GABRG3: variants seen among roughly 807,000 people sequenced by gnomAD.
GABRG3 encodes the protein gamma-aminobutyric acid receptor subunit gamma-3.
GABRG3 carries 25 observed loss-of-function variants against 48.8 expected under a neutral mutation model. The observed-to-expected ratio is 0.51, with a 90% CI of 0.37 to 0.72. The LOEUF is 0.72. Ranked by LOEUF, GABRG3 falls within the 30% of genes least tolerant of loss-of-function variation. The probability of loss-of-function intolerance (pLI) is 0.00; values close to 1 mark genes in which losing one functional copy is unlikely to be tolerated. For synonymous variants in GABRG3, 227 were observed against 217.6 expected (o/e 1.04, Z -0.38); for missense variants, 394 against 577.9 (o/e 0.68, Z 3.26).
Position 27,406,920 on chromosome 15 carries a change from C to T in GABRG3, c.575-73730C>T, listed in dbSNP as rs527530058. On this transcript the variant is annotated intron_variant, in intron 5 of 9. Coordinates refer to ENST00000615808, the MANE Select transcript of GABRG3 (RefSeq NM_033223.5). ...TACTATTCTAAAGCAAATTTTTTTT[C>T]TTTTTGTTGTTGTTGTTGTTGTTTT... Among the ~76,000 whole-genome samples, 24 of 151,978 alleles carry T rather than the reference C, an allele frequency of 1.6e-4. No individual in the cohort carries two copies. The South Asian group carries it at 4.8e-3, about 30-fold the overall frequency.
chr15:27,116,105 A>G (rs1345690656), intron 3 of GABRG3, among the ~76,000 whole-genome samples: 1 of 152,250 alleles, frequency 6.6e-6, no homozygotes, highest in Non-Finnish European at 1.5e-5. Context: ...TGCTGAAGGC[A>G]GGCCATGGTG....
chr15:27,377,565 C>T (rs1895638238), intron 5 of GABRG3, among the ~76,000 whole-genome samples: 1 of 152,140 alleles, frequency 6.6e-6, no homozygotes, highest in Non-Finnish European at 1.5e-5. Context: ...CGGGGAGACT[C>T]CTGTTTTTAA....
intron 3 of GABRG3, among the ~76,000 whole-genome samples, chr15:27,197,775 T>C (rs1470405974): frequency 6.6e-6 from 1 of 152,162 alleles, no homozygotes; most frequent in Non-Finnish European, 1.5e-5. Context: ...AATTACTGCC[T>C]CAATTTCAGA....
intron 5 of GABRG3, among the ~76,000 whole-genome samples, chr15:27,433,021 C>T (rs561229486): frequency 5.9e-5 from 9 of 152,270 alleles, no homozygotes; most frequent in Non-Finnish European, 8.8e-5. Context: ...AATGTGTTTA[C>T]GATGATTTAT....
chr15:27,076,318 CTT>C lies in GABRG3; in HGVS notation c.270+49519_270+49520del, dbSNP rs1230817571. On this transcript the variant is annotated intron_variant, in intron 3 of 9. Transcript: ENST00000615808. ...TTGCTGATGACATTGAGCCAACTGT[CTT>C]TTTTTTTTTTTTTTTTTTTTTGAGA... 6.0e-3 allele frequency among the ~76,000 whole-genome samples: 636 copies of C among 106,388 alleles called. 4 individuals are homozygous for C. Among genetic ancestry groups the C allele is most frequent in the East Asian group, 0.033 (117 of 3,588 alleles). 69.8% of individuals were successfully genotyped at this position (106,388 alleles called of 152,430 possible).
intron 3 of GABRG3, among the ~76,000 whole-genome samples, chr15:27,175,496 TGA>T (rs1441538477): frequency 6.6e-6 from 1 of 152,250 alleles, no homozygotes; most frequent in African/African-American, 2.4e-5. Flanking sequence ...TTAATCTGTT[TGA>T]CTTGCAGTAA....
chr15:27,350,532 G>C (rs977026797), intron 5 of GABRG3: 5 of 223,008 alleles, frequency 2.2e-5, no homozygotes, highest in Non-Finnish European at 4.6e-5. Flanking sequence ...GATGGCGAAG[G>C]CGTGGGAGAG....
intron 3 of GABRG3, among the ~76,000 whole-genome samples, chr15:27,030,849 C>G (rs1896072541): frequency 6.6e-6 from 1 of 152,114 alleles, no homozygotes; most frequent in Admixed American, 6.5e-5. Context: ...CAACAAAGCC[C>G]TGGCTTTGTT....
intron 3 of GABRG3, among the ~76,000 whole-genome samples, chr15:27,031,527 C>T (rs529717396): frequency 2.0e-5 from 3 of 152,260 alleles, no homozygotes; most frequent in Non-Finnish European, 2.9e-5. Flanking sequence ...GTGACTATAG[C>T]GTGACCATGT....
At chr15:27,155,211 T>C (rs1898396602) in intron 3 of GABRG3, among the ~76,000 whole-genome samples, 2 of 152,186 alleles carry the variant, frequency 1.3e-5, no homozygotes, top group African/African-American at 4.8e-5. Flanking sequence ...TGTCATCAAA[T>C]TTTTTAGTGC....
intron 5 of GABRG3, among the ~76,000 whole-genome samples, chr15:27,442,930 C>G (rs1267836718): frequency 6.6e-6 from 1 of 152,190 alleles, no homozygotes; most frequent in Admixed American, 6.5e-5. Flanking sequence ...TGAGGTTGCT[C>G]TGTGTGCCAT....
chr15:27,313,218 A>G (rs1340057689), intron 3 of GABRG3, among the ~76,000 whole-genome samples: 1 of 139,230 alleles, frequency 7.2e-6, no homozygotes, highest in Non-Finnish European at 1.5e-5. Flanking sequence ...ATGTATATGT[A>G]TATATATACG....
chr15:27,305,522 A>G (rs1173537628), intron 3 of GABRG3, among the ~76,000 whole-genome samples: 1 of 146,286 alleles, frequency 6.8e-6, no homozygotes, highest in Non-Finnish European at 1.5e-5. Flanking sequence ...AAACATATAT[A>G]TAATATAAAC....
At chr15:27,391,519 G>A (rs28609742) in intron 5 of GABRG3, among the ~76,000 whole-genome samples, 69,093 of 151,912 alleles carry the variant, frequency 0.45, 16,424 homozygotes, top group East Asian at 0.81. Flanking sequence ...ACTAGGAACT[G>A]TTCTAACACC....
At chr15:27,210,472 G>A (rs952183361) in intron 3 of GABRG3, among the ~76,000 whole-genome samples, 3 of 152,130 alleles carry the variant, frequency 2.0e-5, no homozygotes, top group Non-Finnish European at 2.9e-5. Flanking sequence ...TCACACACGC[G>A]CACCTGCGTG....
chr15:27,254,203 C>T (rs1890543828), intron 3 of GABRG3, among the ~76,000 whole-genome samples: 3 of 152,168 alleles, frequency 2.0e-5, no homozygotes, highest in African/African-American at 4.8e-5. Context: ...CTAACAGGCG[C>T]CCCTGGAGAT....
intron 5 of GABRG3, among the ~76,000 whole-genome samples, chr15:27,374,787 C>T (rs1490291935): frequency 6.6e-6 from 1 of 152,162 alleles, no homozygotes; most frequent in Non-Finnish European, 1.5e-5. Context: ...CAACTCAGTT[C>T]ATTATTGGCT....
chr15:27,155,535 A>G (rs768218788), intron 3 of GABRG3, among the ~76,000 whole-genome samples: 6 of 152,154 alleles, frequency 3.9e-5, no homozygotes, highest in Non-Finnish European at 7.4e-5. Context: ...GCAACAGTCT[A>G]TCTTATTTAA....
chr15:27,066,731 C>T (rs1896744081), intron 3 of GABRG3, among the ~76,000 whole-genome samples: 1 of 152,044 alleles, frequency 6.6e-6, no homozygotes. Context: ...CCTGGACGCC[C>T]ATTCTGTTCT....
Sources: allele counts gnomAD v4.1 joint callset (sites outside exome capture counted in the v4.1 genomes callset), GRCh38; gene constraint gnomAD v4.1.1; transcripts MANE v1.5; gene names NCBI Gene and HGNC (gene_info 2026-07-23, HGNC 2026-07-21).